Variants in PPFIA1 observed in about 807,000 individuals in gnomAD.
The protein encoded by PPFIA1 is PPFI scaffold protein A1.
A neutral mutation model predicts 149.9 loss-of-function variants in PPFIA1; 25 were observed. The ratio of observed to expected loss-of-function variants is 0.17; its 90% confidence interval spans 0.12 to 0.23. The LOEUF is 0.23. PPFIA1 is among the 10% of genes least tolerant of loss of function. PPFIA1 has a pLI of 1.00. For missense variants in PPFIA1, 1,362 were observed against 1,506.5 expected (o/e 0.90, Z 1.59); for synonymous variants, 549 against 552.8 (o/e 0.99, Z 0.10).
intron 16 of PPFIA1, chr11:70,349,789 C>T (rs2055939133): frequency 5.2e-6 from 2 of 381,566 alleles, no homozygotes; most frequent in Non-Finnish European, 1.0e-5. Context: ...TATTTCTGTC[C>T]AGAGAATTCG....
intron 19 of PPFIA1, among the ~76,000 whole-genome samples, chr11:70,360,697 G>A (rs188293472): frequency 2.0e-3 from 302 of 152,324 alleles, no homozygotes; most frequent in African/African-American, 5.3e-3. Flanking sequence ...TCTTCATTTC[G>A]CATCTTGCGA....
At chr11:70,333,872 G>A (rs1006284495) in intron 10 of PPFIA1, among the ~76,000 whole-genome samples, 1 of 152,136 alleles carries the variant, frequency 6.6e-6, no homozygotes, top group South Asian at 2.1e-4. Context: ...TGGTACCGGC[G>A]TGGCCCCCCT....
intron 10 of PPFIA1, chr11:70,334,237 T>C (rs776942995): frequency 1.3e-5 from 2 of 152,262 alleles, no homozygotes; most frequent in African/African-American, 4.8e-5. Context: ...GGGGTAGATT[T>C]CTCTTTAACA....
intron 7 of PPFIA1, among the ~76,000 whole-genome samples, chr11:70,328,072 T>C (rs1336753814): frequency 6.6e-6 from 1 of 152,246 alleles, no homozygotes; most frequent in Non-Finnish European, 1.5e-5. Flanking sequence ...CCTATCACTT[T>C]TATTTTTTAA....
intron 2 of PPFIA1, among the ~76,000 whole-genome samples, chr11:70,277,787 G>A (rs1050588655): frequency 1.3e-5 from 2 of 151,916 alleles, no homozygotes; most frequent in Non-Finnish European, 2.9e-5. Flanking sequence ...ACTGCGCCCA[G>A]CCTATATTTC....
At chr11:70,349,869 A>G (rs1458397231) in intron 16 of PPFIA1, 9 of 455,036 alleles carry the variant, frequency 2.0e-5, no homozygotes, top group Admixed American at 4.7e-5. Flanking sequence ...GACAGTCTCT[A>G]TGCTTCCGTC....
chr11:70,295,584 T>C (rs113180277), intron 2 of PPFIA1, among the ~76,000 whole-genome samples: 51,682 of 118,962 alleles, frequency 0.43, 12,762 homozygotes, highest in African/African-American at 0.7. Context: ...CCCTCCCGGA[T>C]GGAGCGGCTG....
chr11:70,362,663 CA>C (rs2056723155), intron 21 of PPFIA1, 175 bp downstream of exon 21: 3 of 497,614 alleles, frequency 6.0e-6, no homozygotes, highest in Non-Finnish European at 9.7e-6. Context: ...ATTGGATGGT[CA>C]AAAGAAACTT....
intron 19 of PPFIA1, among the ~76,000 whole-genome samples, chr11:70,357,866 C>T (rs1335316861): frequency 2.6e-5 from 4 of 152,178 alleles, no homozygotes; most frequent in Admixed American, 2.0e-4. Context: ...GGATTACAGG[C>T]GTGAGCCACC....
At chr11:70,271,238 C>G (rs2050061970) in intron 1 of PPFIA1, 1 of 152,262 alleles carries the variant, frequency 6.6e-6, no homozygotes, top group Non-Finnish European at 1.5e-5. Flanking sequence ...CCTCACCCCC[C>G]GGGGTTCGGG....
chr11:70,294,224 G>A (rs558428514), intron 2 of PPFIA1, among the ~76,000 whole-genome samples: 3 of 152,120 alleles, frequency 2.0e-5, no homozygotes, highest in South Asian at 4.2e-4. Context: ...TGACAGGTGC[G>A]AGCCACTGCA....
chr11:70,296,300 A>T (rs1211623374), intron 2 of PPFIA1, among the ~76,000 whole-genome samples: 57 of 152,092 alleles, frequency 3.7e-4, no homozygotes, highest in Non-Finnish European at 7.4e-5. Context: ...CAGAGGCTGC[A>T]CTCTGGGCAC....
rs567623926 is a variant in PPFIA1 at position 70,327,179 on chromosome 11, C to T, written c.930+361C>T. The T allele has an allele frequency of 1.4e-4, 30 of 216,536 alleles. 1 individual carries two copies. Among genetic ancestry groups the T allele is most frequent in the Admixed American group, 3.8e-4 (7 of 18,658 alleles). 13.4% of individuals were successfully genotyped at this position (216,536 alleles called of 1,614,324 possible). On this transcript the variant is annotated intron_variant, in intron 7 of 27. Transcript: ENST00000253925. ...AATTTCTAGGCTGTCTTAATTTGTTCTTATGTTCAGATTGCCTTCTGTTGC... is the reference window on the plus strand; with the variant it reads ...AATTTCTAGGCTGTCTTAATTTGTTTTTATGTTCAGATTGCCTTCTGTTGC...
intron 2 of PPFIA1, among the ~76,000 whole-genome samples, chr11:70,273,681 G>A (rs989483396): frequency 2.6e-5 from 4 of 152,098 alleles, no homozygotes; most frequent in African/African-American, 7.2e-5. Context: ...ATAATTTGAC[G>A]TTAGCGCTCT....
At chr11:70,360,521 G>A (rs1399387334) in intron 19 of PPFIA1, among the ~76,000 whole-genome samples, 1 of 152,216 alleles carries the variant, frequency 6.6e-6, no homozygotes, top group East Asian at 1.9e-4. Flanking sequence ...AGCTTTTTCT[G>A]GGATTGATGT....
At chr11:70,368,841 TTC>T (rs1390557279) in intron 21 of PPFIA1, among the ~76,000 whole-genome samples, 2 of 152,258 alleles carry the variant, frequency 1.3e-5, no homozygotes, top group African/African-American at 4.8e-5. Context: ...TGCTTTTTAT[TTC>T]TCTTTCTTGA....
intron 21 of PPFIA1, among the ~76,000 whole-genome samples, chr11:70,366,118 TCAAG>T (rs1273843394): frequency 3.3e-5 from 5 of 152,192 alleles, no homozygotes; most frequent in African/African-American, 1.2e-4. Flanking sequence ...AAAGCACTGG[TCAAG>T]CAAAACATAG....
intron 2 of PPFIA1, among the ~76,000 whole-genome samples, chr11:70,318,366 C>G (rs1342884462): frequency 6.6e-6 from 1 of 152,184 alleles, no homozygotes; most frequent in African/African-American, 2.4e-5. Flanking sequence ...CCCCGCACCC[C>G]ATGTCGTCTG....
intron 2 of PPFIA1, among the ~76,000 whole-genome samples, chr11:70,302,474 T>A (rs552699205): frequency 6.6e-6 from 1 of 152,272 alleles, no homozygotes; most frequent in South Asian, 2.1e-4. Context: ...GGGAGCACAC[T>A]GCGGCAACAG....
Sources: gnomAD v4.1 joint callset for allele counts (sites outside exome capture counted in the v4.1 genomes callset) on GRCh38, gnomAD v4.1.1 for gene constraint, MANE v1.5 for transcripts, NCBI Gene and HGNC (gene_info 2026-07-23, HGNC 2026-07-21) for gene names.